RAP1GAP2: variants seen among roughly 807,000 people sequenced by gnomAD.
RAP1GAP2 encodes the protein RAP1 GTPase activating protein 2.
RAP1GAP2 carries 27 observed loss-of-function variants against 95.0 expected under a neutral mutation model. That is an observed-to-expected ratio of 0.28 (90% CI 0.21 to 0.39). The LOEUF is 0.39. RAP1GAP2 is among the 10% of genes least tolerant of loss of function. The pLI, the probability that RAP1GAP2 is intolerant of heterozygous loss-of-function variation, is 1.00. For synonymous variants in RAP1GAP2, 373 were observed against 380.9 expected (o/e 0.98, Z 0.24); for missense variants, 771 against 970.0 (o/e 0.79, Z 2.72).
At position 2,965,416 on chromosome 17, in the gene RAP1GAP2, C is replaced by T; in HGVS notation, c.493-124C>T. 4.1e-6 allele frequency: 3 copies of T among 734,800 alleles called. No homozygotes were observed. The highest frequency in any genetic ancestry group is 6.8e-6 in the Non-Finnish European group (3 of 441,336). 45.5% of individuals were successfully genotyped at this position (734,800 alleles called of 1,614,324 possible). On this transcript the variant is annotated intron_variant, in intron 7 of 24. Transcript: ENST00000254695. This position sits in a 1 kb window ranked among gnomAD's most constrained non-coding sequence, Gnocchi z 4.7. Reference sequence around the variant, plus strand: ...TACCTGTTAATGTCGTTGTCATTGTCATCAGTAGCATCCTTCTCTTCCTTG... The same window carrying T: ...TACCTGTTAATGTCGTTGTCATTGTTATCAGTAGCATCCTTCTCTTCCTTG...
intron 1 of RAP1GAP2, among the ~76,000 whole-genome samples, chr17:2,769,126 A>C (rs1045455455): frequency 6.6e-6 from 1 of 151,488 alleles, no homozygotes; most frequent in African/African-American, 2.4e-5. Flanking sequence ...TAGCTACTCA[A>C]GATACCGAGG....
chr17:2,879,674 T>C (rs2073218360), intron 2 of RAP1GAP2, among the ~76,000 whole-genome samples: 1 of 149,638 alleles, frequency 6.7e-6, no homozygotes, highest in Admixed American at 6.7e-5. Context: ...TGCAGTGAGC[T>C]GAGATCGCAC....
intron 3 of RAP1GAP2, among the ~76,000 whole-genome samples, chr17:2,956,737 A>G (rs2044120825): frequency 6.6e-6 from 1 of 152,170 alleles, no homozygotes; most frequent in South Asian, 2.1e-4. Flanking sequence ...TCACGCTTCC[A>G]TTCCGCTTCC....
At position 2,943,660 on chromosome 17, in the gene RAP1GAP2, G is replaced by C. The variant is rs145684793; in HGVS notation, c.166-14099G>C. On this transcript the variant is annotated intron_variant, in intron 3 of 24. Transcript: ENST00000254695. ...AGCCTGGGTGACAGAGCAAGACTCT[G>C]TCTCCAAAACAAACAAACAAAAAAA... 6.2e-4 allele frequency among the ~76,000 whole-genome samples: 83 copies of C among 132,936 alleles called. No homozygotes were observed. In the East Asian group the frequency reaches 0.012, roughly 19 times the overall value. 87.2% of individuals were successfully genotyped at this position (132,936 alleles called of 152,430 possible).
Position 2,906,310 on chromosome 17 carries a change from A to G in RAP1GAP2, c.165+942A>G, listed in dbSNP as rs889587567. 1.7e-4 allele frequency among the ~76,000 whole-genome samples: 26 copies of G among 152,128 alleles called. No homozygotes were observed. The highest frequency in any genetic ancestry group is 6.0e-4 in the African/African-American group (25 of 41,432). ...TTCCCTGAACCTAATCTTTTGCAAG[A>G]TGACAACCCATAGGAAGCAGATAAA... is the stretch of plus-strand genomic sequence containing the variant. On this transcript the variant is annotated intron_variant, in intron 3 of 24. Coordinates refer to ENST00000254695, the MANE Select transcript of RAP1GAP2 (RefSeq NM_015085.5). The surrounding 1 kb of genome is among the most constrained non-coding windows in gnomAD (Gnocchi z 4.3).
intron 2 of RAP1GAP2, among the ~76,000 whole-genome samples, chr17:2,863,810 G>A (rs367593621): frequency 2.0e-5 from 3 of 152,008 alleles, no homozygotes; most frequent in African/African-American, 7.2e-5. Flanking sequence ...TAATCCCAGC[G>A]CCTTGGGAGG....
chr17:2,845,068 C>T (rs565110692), intron 2 of RAP1GAP2, among the ~76,000 whole-genome samples: 4 of 152,240 alleles, frequency 2.6e-5, no homozygotes, highest in Non-Finnish European at 5.9e-5. Flanking sequence ...CTAGTACCCT[C>T]ATCCCTGCAC....
rs2047101555 is a variant in RAP1GAP2, at chr17:3,025,999, T to A, written c.1752-9T>A. ...TCCGCGGCCTCACTCCTCATTTCCATTCCCTCAGTGACAGCACATCCAGCA... is the reference window on the plus strand; with the variant it reads ...TCCGCGGCCTCACTCCTCATTTCCAATCCCTCAGTGACAGCACATCCAGCA... On this transcript the variant is annotated splice_polypyrimidine_tract_variant and intron_variant, in intron 19 of 24. Transcript: ENST00000254695. 6.3e-7 allele frequency: 1 copy of A among 1,599,848 alleles called. No homozygotes were observed. The highest frequency in any genetic ancestry group is 8.6e-7 in the Non-Finnish European group (1 of 1,167,228).
chr17:2,877,553 G>A (rs564573061), intron 2 of RAP1GAP2, among the ~76,000 whole-genome samples: 1 of 152,158 alleles, frequency 6.6e-6, no homozygotes, highest in East Asian at 1.9e-4. Flanking sequence ...TTCAAGACCA[G>A]CCTGGCCAAC....
chr17:2,797,649 C>A lies in RAP1GAP2; in HGVS notation c.44+1078C>A. On this transcript the variant is annotated intron_variant, in intron 1 of 24. Coordinates refer to ENST00000254695, the MANE Select transcript of RAP1GAP2 (RefSeq NM_015085.5). The surrounding 1 kb of genome is among the most constrained non-coding windows in gnomAD (Gnocchi z 5.6). ...CTTCAAAAGCACTTTGCCATCCATCCTCTGGCAGGGGGGGACTGTGGGCAC... is the reference window on the plus strand; with the variant it reads ...CTTCAAAAGCACTTTGCCATCCATCATCTGGCAGGGGGGGACTGTGGGCAC... The A allele has an allele frequency of 2.1e-6, 2 of 971,758 alleles. No individual in the cohort carries two copies. The highest frequency in any genetic ancestry group is 2.4e-6 in the Non-Finnish European group (2 of 817,596). The allele number at this position is 971,758 out of a possible 1,614,324, so 60.2% of individuals were successfully genotyped here. A position where few individuals can be genotyped will look rare whatever the true frequency, so the allele number is the denominator to read the frequency against.
At chr17:2,999,793 AAAACAGAAC>A (rs1291140443) in intron 14 of RAP1GAP2, among the ~76,000 whole-genome samples, 3 of 151,896 alleles carry the variant, frequency 2.0e-5, no homozygotes, top group African/African-American at 7.2e-5. Flanking sequence ...AAAAAAAAAA[AAAACAGAAC>A]AAAACAAAAT....
intron 2 of RAP1GAP2, chr17:2,853,914 T>C (rs958263425): frequency 4.2e-4 from 406 of 977,336 alleles, no homozygotes; most frequent in Non-Finnish European, 4.7e-4. Flanking sequence ...GGGCGCGGGC[T>C]CAGGGGCCGG....
chr17:2,967,397 C>T (rs2044662903), intron 8 of RAP1GAP2, among the ~76,000 whole-genome samples: 1 of 152,068 alleles, frequency 6.6e-6, no homozygotes, highest in Non-Finnish European at 1.5e-5. Flanking sequence ...ACAACAACAA[C>T]GACGACAACA....
At chr17:2,998,101 A>T (rs1597831930) in intron 13 of RAP1GAP2, 120 bp from the exon 14 acceptor site, 1 of 1,154,072 alleles carries the variant, frequency 8.7e-7, no homozygotes, top group Non-Finnish European at 1.2e-6. Context: ...ACAACCACGA[A>T]CTCTTCTCAC....
chr17:2,926,720 AG>A (rs2151780708), intron 3 of RAP1GAP2, among the ~76,000 whole-genome samples: 1 of 152,206 alleles, frequency 6.6e-6, no homozygotes, highest in African/African-American at 2.4e-5. Flanking sequence ...AGATATTGCC[AG>A]GGGCTGGGCG....
intron 2 of RAP1GAP2, among the ~76,000 whole-genome samples, chr17:2,894,205 G>C (rs2151704198): frequency 6.6e-6 from 1 of 151,974 alleles, no homozygotes; most frequent in African/African-American, 2.4e-5. Flanking sequence ...AAGGCAGGCA[G>C]ATCACCTGAG....
At chr17:2,862,996 C>CA (rs1164520490) in intron 2 of RAP1GAP2, among the ~76,000 whole-genome samples, 2,122 of 48,366 alleles carry the variant, frequency 0.044, 65 homozygotes, top group Non-Finnish European at 0.056. Context: ...GACTCTGTCT[C>CA]AAAAAAAAAA....
chr17:2,950,383 T>C (rs1766076479), intron 3 of RAP1GAP2, among the ~76,000 whole-genome samples: 1 of 152,050 alleles, frequency 6.6e-6, no homozygotes, highest in African/African-American at 2.4e-5. Context: ...CTAAAGACAC[T>C]GTCTCTGGGA....
chr17:2,822,700 T>C (rs1432604861), intron 2 of RAP1GAP2, among the ~76,000 whole-genome samples: 1 of 151,482 alleles, frequency 6.6e-6, no homozygotes, highest in Non-Finnish European at 1.5e-5. Context: ...TTTTTTCCTT[T>C]GGGGAAATTT....
Sources: allele counts gnomAD v4.1 joint callset (sites outside exome capture counted in the v4.1 genomes callset), GRCh38; gene constraint gnomAD v4.1.1; non-coding constraint Gnocchi (gnomAD v3.1); transcripts MANE v1.5; gene names NCBI Gene and HGNC (gene_info 2026-07-23, HGNC 2026-07-21).